TTLL10: variants seen among roughly 807,000 people sequenced by gnomAD.
TTLL10 encodes the protein tubulin tyrosine ligase like 10.
Under a neutral mutation model 69.0 loss-of-function variants are expected in TTLL10, and 61 were observed. The ratio of observed to expected loss-of-function variants is 0.88; its 90% CI spans 0.72 to 1.09. The LOEUF is 1.09. Among genes scored for constraint, TTLL10 ranks in the 50% least tolerant of loss-of-function variants. The probability of loss-of-function intolerance (pLI) is 0.00; values close to 1 mark genes in which losing one functional copy is unlikely to be tolerated. For missense variants in TTLL10, 962 were observed against 945.9 expected, an observed-to-expected ratio of 1.02 and a Z score of -0.22; for synonymous variants, 408 against 393.3, an observed-to-expected ratio of 1.04 and a Z score of -0.44.
At position 1,197,861 on chromosome 1, in the gene TTLL10, C is replaced by T. The variant is rs529766121; in HGVS notation, c.*14C>T. On this transcript the variant is annotated 3_prime_UTR_variant, in exon 16 of 16. Transcript: ENST00000379289. Reference sequence around the variant, plus strand: ...GCGAGGCCCTAGGGGCAGCCACCCGCGCCCAGCGCCCCGCGCCCCGCGCCC... The same window carrying T: ...GCGAGGCCCTAGGGGCAGCCACCCGTGCCCAGCGCCCCGCGCCCCGCGCCC... 1,806 of 1,426,442 alleles carry T rather than the reference C, an allele frequency of 1.3e-3. 12 individuals carry two copies. The African/African-American group carries it at 0.019, about 15-fold the overall frequency. The allele number at this position is 1,426,442 out of a possible 1,614,324, so 88.4% of individuals were successfully genotyped here.
chr1:1,184,694 G>C (rs534756977), intron 12 of TTLL10, among the ~76,000 whole-genome samples: 2 of 151,236 alleles, frequency 1.3e-5, no homozygotes, highest in South Asian at 2.1e-4. Flanking sequence ...GGGGACCCCC[G>C]TGAGGACAGG....
At chr1:1,187,099 G>C (rs1376540744) in intron 13 of TTLL10, among the ~76,000 whole-genome samples, 2 of 151,954 alleles carry the variant, frequency 1.3e-5, no homozygotes, top group Admixed American at 1.3e-4. Flanking sequence ...GCCCGCCTCG[G>C]CCTCCCAAAG....
At position 1,181,340 on chromosome 1, in the gene TTLL10, G is replaced by A. The variant is rs972232987; in HGVS notation, c.756-401G>A. ...ACCTGTGGGTGCCCTGAGTGAGGCCGTCCATCGCTCACCCAAGTCTGGGCC... is the reference window on the plus strand; with the variant it reads ...ACCTGTGGGTGCCCTGAGTGAGGCCATCCATCGCTCACCCAAGTCTGGGCC... On this transcript the variant is annotated intron_variant, in intron 8 of 15. Coordinates refer to ENST00000379289, the MANE Select transcript of TTLL10 (RefSeq NM_001130045.2). This position sits in a 1 kb window ranked among gnomAD's most constrained non-coding sequence, Gnocchi z 4.6. Among the ~76,000 whole-genome samples, 18 of 151,840 alleles carry A rather than the reference G, an allele frequency of 1.2e-4. No homozygotes were observed. In the South Asian group the frequency reaches 1.3e-3, roughly 11 times the overall value.
Position 1,183,916 on chromosome 1 carries a change from C to G in TTLL10, c.1089-4C>G. ...GCCCAGCAGCCCCGACATGGTGCCCCCAGGTACATCCAGAACCCGCTGCTG... is the reference window on the plus strand; with the variant it reads ...GCCCAGCAGCCCCGACATGGTGCCCGCAGGTACATCCAGAACCCGCTGCTG... On this transcript the variant is annotated splice_region_variant and splice_polypyrimidine_tract_variant and intron_variant, in intron 11 of 15. Transcript: ENST00000379289. 6.2e-7 allele frequency: 1 copy of G among 1,614,168 alleles called. No homozygotes were observed. Among genetic ancestry groups the G allele is most frequent in the Non-Finnish European group, 8.5e-7 (1 of 1,180,018 alleles).
chr1:1,194,712 G>A (rs572201067), intron 13 of TTLL10, among the ~76,000 whole-genome samples: 1 of 152,172 alleles, frequency 6.6e-6, no homozygotes, highest in African/African-American at 2.4e-5. Flanking sequence ...TACATAACGA[G>A]CGGCTTCTCT....
Position 1,197,602 on chromosome 1 carries a change from G to A in TTLL10, c.1777G>A (p.Ala593Thr). ...CTGGCCGCCCCTGCCCACCCGCCAG[G>A]CCAAGTCCTCCGGGCCACCCATGCC... ...RRWPPLPTRQ[A>T]KSSGPPMPHA... The change falls in exon 16 of 16, where the codon GCC becomes ACC. Residue 593 changes from alanine (A) to threonine (T), a missense_variant. Coordinates refer to ENST00000379289, the MANE Select transcript of TTLL10 (RefSeq NM_001130045.2). 6.6e-7 allele frequency: 1 copy of A among 1,514,216 alleles called. No homozygotes were observed. Among genetic ancestry groups the A allele is most frequent in the Non-Finnish European group, 8.8e-7 (1 of 1,137,396 alleles). The allele number at this position is 1,514,216 out of a possible 1,614,324, so 93.8% of individuals were successfully genotyped here.
At chr1:1,195,179 C>T (rs1292651222) in intron 13 of TTLL10, among the ~76,000 whole-genome samples, 4 of 152,152 alleles carry the variant, frequency 2.6e-5, no homozygotes, top group Non-Finnish European at 5.9e-5. Context: ...TTAGTAGAGA[C>T]GAGGTTTCAC....
rs1447027247 is a variant in TTLL10 at position 1,183,001 on chromosome 1, C to T, written c.1042C>T (p.His348Tyr). ...KTRSMEDDPI[H>Y]HKTPFRGPQA... Reference sequence around the variant, plus strand: ...CCGGAGCATGGAGGACGACCCCATCCACCACAAGACGCCGTTCCGGGGGCC... The same window carrying T: ...CCGGAGCATGGAGGACGACCCCATCTACCACAAGACGCCGTTCCGGGGGCC... The change falls in exon 11 of 16, where the codon CAC (histidine) becomes TAC (tyrosine). Residue 348 changes from histidine (H) to tyrosine (Y), a missense_variant. By Grantham distance (83) the His-to-Tyr change is moderately conservative. Coordinates refer to ENST00000379289, the MANE Select transcript of TTLL10 (RefSeq NM_001130045.2). The T allele has an allele frequency of 6.2e-7, 1 of 1,609,998 alleles. No individual in the cohort carries two copies. Among genetic ancestry groups the T allele is most frequent in the Non-Finnish European group, 8.5e-7 (1 of 1,178,660 alleles).
At position 1,183,992 on chromosome 1, in the gene TTLL10, C is replaced by A; in HGVS notation, c.1161C>A (p.Thr387=). ...GCTCCTACCTGCTCATTGCCTGCAC[C>A]ACACCCTACATGATCTTCTTTGGCC... ...DVRSYLLIAC[T]TPYMIFFGHG... Residue 387 remains threonine, a synonymous_variant, in exon 12 of 16, where the codon ACC becomes ACA. Coordinates refer to ENST00000379289, the MANE Select transcript of TTLL10 (RefSeq NM_001130045.2). 1 of 1,614,236 alleles carries A rather than the reference C, an allele frequency of 6.2e-7. No homozygotes were observed. Among genetic ancestry groups the A allele is most frequent in the Non-Finnish European group, 8.5e-7 (1 of 1,180,030 alleles).
rs1168016636 is a variant in TTLL10, at chr1:1,195,500, C to CTTTTTTTTTTTTTTTTTTTTT, written c.1402-1082_1402-1081insTTTTTTTTTTTTTTTTTTTTT. ...TATTTGATAAGACATCATCGTCATA[C>CTTTTTTTTTTTTTTTTTTTTT]TTTTTTTTTTTTTTTTTTAGTTTTA... On this transcript the variant is annotated intron_variant, in intron 13 of 15. Coordinates refer to ENST00000379289, the MANE Select transcript of TTLL10 (RefSeq NM_001130045.2). 3.5e-3 allele frequency among the ~76,000 whole-genome samples: 347 copies of CTTTTTTTTTTTTTTTTTTTTT among 98,468 alleles called. 29 individuals carry two copies. In the East Asian group the frequency reaches 0.046, roughly 13 times the overall value. The allele number at this position is 98,468 out of a possible 152,430, so 64.6% of individuals were successfully genotyped here. A position where few individuals can be genotyped will look rare whatever the true frequency, so the allele number is the denominator to read the frequency against.
rs1012294624 is a variant in TTLL10, at chr1:1,190,004, C to T, written c.1401+4895C>T. Among the ~76,000 whole-genome samples the T allele has an allele frequency of 6.6e-5, 10 of 151,436 alleles. No homozygotes were observed. In the South Asian group the frequency reaches 1.9e-3, roughly 29 times the overall value. ...GCGGGCACCTGTAGTCCCAGCTACT[C>T]GGGAGGCTGAGGCAGGAGAATCGCG... On this transcript the variant is annotated intron_variant, in intron 13 of 15. Transcript: ENST00000379289.
At chr1:1,192,053 G>A (rs1471136983) in intron 13 of TTLL10, among the ~76,000 whole-genome samples, 1 of 152,236 alleles carries the variant, frequency 6.6e-6, no homozygotes, top group Non-Finnish European at 1.5e-5. Context: ...ATTTGTTTAT[G>A]GCCAGTCTTG....
chr1:1,196,929 CCAGAGCTTCAGACCCT>C (rs1345742580), intron 14 of TTLL10, among the ~76,000 whole-genome samples, 148 bp from the exon 15 acceptor site: 1 of 152,114 alleles, frequency 6.6e-6, no homozygotes, highest in Non-Finnish European at 1.5e-5. Context: ...CCCCCTCAGG[CCAGAGCTTCAGACCCT>C]CAGAGCTTCA....
chr1:1,197,437 G>C lies in TTLL10; in HGVS notation c.1613-1G>C, dbSNP rs1193126040. On this transcript the variant is annotated splice_acceptor_variant, in intron 15 of 15. Transcript: ENST00000379289. LOFTEE classifies it high-confidence loss of function. ...CACCCTCTCTCCCCCACCCGCACCA[G>C]ACCTGGTGCTCGAGACCTTCCGGAA... 1.5e-6 allele frequency: 2 copies of C among 1,312,998 alleles called. No homozygotes were observed. Among genetic ancestry groups the C allele is most frequent in the Non-Finnish European group, 1.0e-6 (1 of 1,002,726 alleles). 81.3% of individuals were successfully genotyped at this position (1,312,998 alleles called of 1,614,324 possible). A position where few individuals can be genotyped will look rare whatever the true frequency, so the allele number is the denominator to read the frequency against.
At chr1:1,184,670 G>A (rs1018294044) in intron 12 of TTLL10, among the ~76,000 whole-genome samples, 20 of 152,220 alleles carry the variant, frequency 1.3e-4, no homozygotes, top group African/African-American at 4.8e-4. Context: ...TCTAGGTTAG[G>A]GGGATGTTCT....
chr1:1,187,788 C>T (rs748754578), intron 13 of TTLL10, among the ~76,000 whole-genome samples: 1 of 151,932 alleles, frequency 6.6e-6, no homozygotes, highest in Non-Finnish European at 1.5e-5. Context: ...ACCTGTAGTC[C>T]CAGCTACTCA....
chr1:1,190,312 G>A (rs1647665386), intron 13 of TTLL10, among the ~76,000 whole-genome samples: 1 of 146,422 alleles, frequency 6.8e-6, no homozygotes, highest in African/African-American at 2.5e-5. Flanking sequence ...TCTTTTCAAT[G>A]AACCAACTCC....
At position 1,197,913 on chromosome 1, in the gene TTLL10, C is replaced by CTA; in HGVS notation, c.*69_*70dup. 1 of 1,366,678 alleles carries CTA rather than the reference C, an allele frequency of 7.3e-7. No individual in the cohort carries two copies. Among genetic ancestry groups the CTA allele is most frequent in the Non-Finnish European group, 9.4e-7 (1 of 1,061,522 alleles). The allele number at this position is 1,366,678 out of a possible 1,614,324, so 84.7% of individuals were successfully genotyped here. The stretch of plus-strand genomic sequence containing the variant: ...AGCCGTGCTGCCTGCCCTCAGGGAC[C>CTA]TATAAAGCCCACTTTGCTACAAACA... On this transcript the variant is annotated 3_prime_UTR_variant, in exon 16 of 16. Transcript: ENST00000379289.
At chr1:1,182,546 GC>G in intron 10 of TTLL10, 100 bp downstream of exon 10, 2 of 1,236,232 alleles carry the variant, frequency 1.6e-6, no homozygotes, top group Non-Finnish European at 2.4e-6. Flanking sequence ...GTCTGGAGGG[GC>G]TGCGTGGGGC....
Sources: allele counts gnomAD v4.1 joint callset (sites outside exome capture counted in the v4.1 genomes callset), GRCh38; gene constraint gnomAD v4.1.1; non-coding constraint Gnocchi (gnomAD v3.1); transcripts MANE v1.5; gene names NCBI Gene and HGNC (gene_info 2026-07-23, HGNC 2026-07-21).